Variants in TNK2 observed in about 807,000 individuals in gnomAD.
TNK2 encodes tyrosine kinase non receptor 2.
In TNK2, 83 loss-of-function variants were observed where a neutral mutation model predicts 101.8. The observed-to-expected ratio is 0.82, with a 90% CI of 0.68 to 0.98. The LOEUF is 0.98. TNK2 is among the 50% of genes least tolerant of loss of function. The pLI is 0.00. For synonymous variants in TNK2, 804 were observed against 633.0 expected (o/e 1.27, Z -4.06); for missense variants, 1,665 against 1,483.2 (o/e 1.12, Z -2.01).
At position 195,895,388 on chromosome 3, in the gene TNK2, T is replaced by A. The variant is rs749030944; in HGVS notation, c.-18-6782A>T. The A allele has an allele frequency of 2.6e-6, 4 of 1,545,852 alleles. No individual in the cohort carries two copies. In the Admixed American group the frequency reaches 7.8e-5, roughly 30 times the overall value. On this transcript the variant is annotated intron_variant, in intron 1 of 15. Transcript: ENST00000672887. The stretch of plus-strand genomic sequence containing the variant: ...AGCGGCACCGGCAGCGTCACTGCCC[T>A]GCGTCCTGGGGGGCCGGGCCTCGAG...
chr3:195,874,176 C>T (rs540144430), intron 9 of TNK2, among the ~76,000 whole-genome samples: 1 of 152,322 alleles, frequency 6.6e-6, no homozygotes, highest in African/African-American at 2.4e-5. Flanking sequence ...CTCCACACCT[C>T]TTCAGAGGCG....
chr3:195,878,461 C>T lies in TNK2; in HGVS notation c.1146G>A (p.Arg382=). 6.2e-7 allele frequency: 1 copy of T among 1,613,998 alleles called. No homozygotes were observed. Among genetic ancestry groups the T allele is most frequent in the Non-Finnish European group, 8.5e-7 (1 of 1,180,018 alleles). The stretch of plus-strand genomic sequence containing the variant: ...TGTCCCTCACCTCCAGCAGGAAGTC[C>T]CGCAGGGCCACAAACGTGGGTCTGT... ...PEDRPTFVAL[R]DFLLEAQPTD... is the part of the protein sequence containing the mutation. The change falls in exon 8 of 16, where the codon CGG becomes CGA. Residue 382 remains arginine, a synonymous_variant. Transcript: ENST00000672887. This position sits in a 1 kb window ranked among gnomAD's most constrained non-coding sequence, Gnocchi z 4.7.
At position 195,893,747 on chromosome 3, in the gene TNK2, T is replaced by G. The variant is rs140281383; in HGVS notation, c.-18-5141A>C. Among the ~76,000 whole-genome samples the G allele has an allele frequency of 2.9e-3, 445 of 152,150 alleles. 5 individuals are homozygous for G. The highest frequency in any genetic ancestry group is 0.01 in the African/African-American group (425 of 41,506). On this transcript the variant is annotated intron_variant, in intron 1 of 15. Transcript: ENST00000672887. ...CCATGCCTAGGGAGCCCCTGTTTCT[T>G]GCACACTGCTCTCTTGTCCCTGTCC... is the stretch of plus-strand genomic sequence containing the variant.
rs980886769 is a variant in TNK2 at position 195,869,576 on chromosome 3, AC to A, written c.1544-36del. 1.2e-5 allele frequency: 19 copies of A among 1,549,228 alleles called. No individual in the cohort carries two copies. The African/African-American group carries it at 2.2e-4, about 18-fold the overall frequency. On this transcript the variant is annotated intron_variant, in intron 11 of 15. Transcript: ENST00000672887. ...AGGCCATGCGGACAGGGGGAGAGAGACGGAGCAGGACAGAGGACAAAGGAGG... is the reference window on the plus strand; with the variant it reads ...AGGCCATGCGGACAGGGGGAGAGAGAGGAGCAGGACAGAGGACAAAGGAGG...
Position 195,888,542 on chromosome 3 carries a change from T to G in TNK2, c.47A>C (p.Glu16Ala). The part of the protein sequence containing the change: ...GTGWLLELLS[E>A]VQLQQYFLRL... ...CAGGAAGTACTGTTGCAGCTGCACC[T>G]CGGACAGCAGCTCCAGCAGCCAGCC... Residue 16 changes from glutamate (E) to alanine (A), a missense_variant, in exon 2 of 16, where the codon GAG becomes GCG. Around this residue, in one of 3 missense-constraint regions of TNK2, gnomAD observed 490 missense variants for 522.5 expected, o/e 0.94. Transcript: ENST00000672887. The surrounding 1 kb of genome is among the most constrained non-coding windows in gnomAD (Gnocchi z 5.3). 6.2e-7 allele frequency: 1 copy of G among 1,612,812 alleles called. No homozygotes were observed. The highest frequency in any genetic ancestry group is 8.5e-7 in the Non-Finnish European group (1 of 1,179,892).
chr3:195,889,631 G>A (rs576112682), intron 1 of TNK2, among the ~76,000 whole-genome samples: 31 of 152,276 alleles, frequency 2.0e-4, no homozygotes, highest in African/African-American at 7.0e-4. Context: ...GCATGCACAC[G>A]CACACACAGC....
At position 195,867,311 on chromosome 3, in the gene TNK2, G is replaced by C. The variant is rs746471792; in HGVS notation, c.2938-47C>G. On this transcript the variant is annotated intron_variant, in intron 13 of 15. Coordinates refer to ENST00000672887, the MANE Select transcript of TNK2 (RefSeq NM_001382273.1). ...AGCACCACTAGGGCCCACTGCTCCAGGCCCCTTGGGCCCTGCCCCGCTTCG... is the reference window on the plus strand; with the variant it reads ...AGCACCACTAGGGCCCACTGCTCCACGCCCCTTGGGCCCTGCCCCGCTTCG... 20 of 1,610,506 alleles carry C rather than the reference G, an allele frequency of 1.2e-5. 1 individual carries two copies. The South Asian group carries it at 2.2e-4, about 18-fold the overall frequency.
intron 1 of TNK2, chr3:195,894,596 A>C (rs961512937): frequency 4.6e-5 from 7 of 151,380 alleles, no homozygotes; most frequent in African/African-American, 1.7e-4. Flanking sequence ...GCTGGTCCCG[A>C]ATTCCTGACC....
rs1748373995 is a variant in TNK2, at chr3:195,875,340, C to T, written c.1257-2870G>A. 3.7e-5 allele frequency among the ~76,000 whole-genome samples: 2 copies of T among 54,688 alleles called. 1 individual carries two copies. Among genetic ancestry groups the T allele is most frequent in the Non-Finnish European group, 6.0e-5 (2 of 33,256 alleles). 35.9% of individuals were successfully genotyped at this position (54,688 alleles called of 152,430 possible). The stretch of plus-strand genomic sequence containing the variant: ...CTCCGAGGCACAAGAAACTCCCCCT[C>T]GGGATGGCGCCCACGCACGCTCCGA... On this transcript the variant is annotated intron_variant, in intron 9 of 15. Transcript: ENST00000672887.
Position 195,882,234 on chromosome 3 carries a change from T to C in TNK2, c.704A>G (p.Gln235Arg). The change falls in exon 6 of 16, where the codon CAG (glutamine) becomes CGG (arginine). Residue 235 changes from glutamine to arginine, a missense_variant. By Grantham distance (43) the Gln-to-Arg change is conservative. Around this residue, in one of 3 missense-constraint regions of TNK2, gnomAD observed 490 missense variants for 522.5 expected, o/e 0.94. Coordinates refer to ENST00000672887, the MANE Select transcript of TNK2 (RefSeq NM_001382273.1). The surrounding 1 kb of genome is among the most constrained non-coding windows in gnomAD (Gnocchi z 4.2). ...LLGTLSRYAVQVAEGMGYLES... is the reference protein window; with the variant it reads ...LLGTLSRYAVRVAEGMGYLES... The stretch of plus-strand genomic sequence containing the variant: ...CAGGTAGCCCATGCCCTCAGCCACC[T>C]GCACAGCGTAGCGGCTCAGAGTCCC... 1 of 1,613,820 alleles carries C rather than the reference T, an allele frequency of 6.2e-7. No homozygotes were observed. The highest frequency in any genetic ancestry group is 1.1e-5 in the South Asian group (1 of 91,090).
intron 15 of TNK2, among the ~76,000 whole-genome samples, chr3:195,866,518 A>G (rs1740949235): frequency 3.9e-5 from 6 of 152,150 alleles, no homozygotes; most frequent in Admixed American, 3.9e-4. Context: ...GAAATTTTAA[A>G]TGTTACTTTA....
rs1482225726 is a variant in TNK2 at position 195,885,703 on chromosome 3, G to A, written c.235-670C>T. The stretch of plus-strand genomic sequence containing the variant: ...CTGAGACGGAAGGAAAAGTGGAGGA[G>A]ACTCGGAGGCCAGGGTGGACAGGGA... On this transcript the variant is annotated intron_variant, in intron 3 of 15. Transcript: ENST00000672887. The surrounding 1 kb of genome is among the most constrained non-coding windows in gnomAD (Gnocchi z 4.7). 3 of 710,220 alleles carry A rather than the reference G, an allele frequency of 4.2e-6. No individual in the cohort carries two copies. Among genetic ancestry groups the A allele is most frequent in the African/African-American group, 1.8e-5 (1 of 54,110 alleles). The allele number at this position is 710,220 out of a possible 1,614,324, so 44.0% of individuals were successfully genotyped here.
rs531444440 is a variant in TNK2 at position 195,868,058 on chromosome 3, C to T, written c.2240G>A (p.Gly747Glu). 4 of 1,601,994 alleles carry T rather than the reference C, an allele frequency of 2.5e-6. No individual in the cohort carries two copies. The highest frequency in any genetic ancestry group is 1.1e-5 in the South Asian group (1 of 89,874). The change falls in exon 13 of 16, where the codon GGG becomes GAG. Residue 747 changes from glycine (G) to glutamate (E), a missense_variant. By Grantham distance (98) the Gly-to-Glu change is moderately conservative. This residue lies in a region of TNK2 where 1,136 missense variants were observed against 894.9 expected (regional missense o/e 1.27). Coordinates refer to ENST00000672887, the MANE Select transcript of TNK2 (RefSeq NM_001382273.1). ...AGGCACCTGGGGCTTGTCGTCACCC[C>T]CCGGGCTGGGAGAGGGGGCCGGGGA... The part of the protein sequence containing the change: ...AGSPAPSPSP[G>E]GDDKPQVPPR...
chr3:195,887,100 A>G, intron 2 of TNK2, 53 bp from the exon 3 acceptor site: 1 of 1,590,510 alleles, frequency 6.3e-7, no homozygotes. Context: ...AGCCCGAGAG[A>G]GGCTGCTGCC....
Position 195,867,492 on chromosome 3 carries a change from C to T in TNK2, c.2806G>A (p.Ala936Thr). ...PMPQAALDPK[A>T]NFSTNNSNPG... The stretch of plus-strand genomic sequence containing the variant: ...TTGCTGTTGTTGGTGGAGAAGTTGG[C>T]CTTGGGGTCCAAGGCAGCCTGGGGC... Residue 936 changes from alanine (A) to threonine (T), a missense_variant, in exon 13 of 16, where the codon GCC (alanine) becomes ACC (threonine). Around this residue, in one of 3 missense-constraint regions of TNK2, gnomAD observed 1,136 missense variants for 894.9 expected, o/e 1.27. Coordinates refer to ENST00000672887, the MANE Select transcript of TNK2 (RefSeq NM_001382273.1). The T allele has an allele frequency of 1.3e-6, 2 of 1,571,500 alleles. No individual in the cohort carries two copies. Among genetic ancestry groups the T allele is most frequent in the Non-Finnish European group, 1.7e-6 (2 of 1,166,646 alleles).
In TNK2 at chr3:195,888,594, C is replaced by T. The variant is rs376649198; in HGVS notation, c.-6G>A. The T allele has an allele frequency of 6.6e-5, 107 of 1,609,276 alleles. No individual in the cohort carries two copies. Among genetic ancestry groups the T allele is most frequent in the Non-Finnish European group, 8.0e-5 (94 of 1,178,482 alleles). On this transcript the variant is annotated 5_prime_UTR_variant, in exon 2 of 16. Coordinates refer to ENST00000672887, the MANE Select transcript of TNK2 (RefSeq NM_001382273.1). The surrounding 1 kb of genome is among the most constrained non-coding windows in gnomAD (Gnocchi z 5.3). ...GTGCCCTCCTCTGGCTGCATTCTGC[C>T]GCCTCCCAGCCTCTGTGGGGGGAGG...
chr3:195,904,490 A>T (rs1761537464), intron 1 of TNK2, among the ~76,000 whole-genome samples: 1 of 152,200 alleles, frequency 6.6e-6, no homozygotes, highest in South Asian at 2.1e-4. Context: ...AGCCAAATTC[A>T]TAGAGTCAGA....
rs181308066 is a variant in TNK2, at chr3:195,888,755, C to T, written c.-18-149G>A. 45 of 743,142 alleles carry T rather than the reference C, an allele frequency of 6.1e-5. No homozygotes were observed. The Admixed American group carries it at 1.2e-3, about 19-fold the overall frequency. 46.0% of individuals were successfully genotyped at this position (743,142 alleles called of 1,614,324 possible). A position where few individuals can be genotyped will look rare whatever the true frequency, so the allele number is the denominator to read the frequency against. ...ACTCCCGAGGGAAGCTACCGAGAACCGCCTGGACCCACGTCCCCTATTCCT... is the reference window on the plus strand; with the variant it reads ...ACTCCCGAGGGAAGCTACCGAGAACTGCCTGGACCCACGTCCCCTATTCCT... On this transcript the variant is annotated intron_variant, in intron 1 of 15. Transcript: ENST00000672887. The surrounding 1 kb of genome is among the most constrained non-coding windows in gnomAD (Gnocchi z 5.3).
intron 1 of TNK2, among the ~76,000 whole-genome samples, chr3:195,898,953 G>A (rs1159502136): frequency 1.7e-4 from 26 of 152,186 alleles, no homozygotes; most frequent in African/African-American, 2.6e-4. Context: ...AAAATTAGCC[G>A]GGCGTGGTGG....
Sources: allele counts gnomAD v4.1 joint callset (sites outside exome capture counted in the v4.1 genomes callset), GRCh38; gene constraint gnomAD v4.1.1; regional missense constraint gnomAD v4.1.1; non-coding constraint Gnocchi (gnomAD v3.1); transcripts MANE v1.5; gene names NCBI Gene and HGNC (gene_info 2026-07-23, HGNC 2026-07-21).